The following RPS6KC1 variants were observed in gnomAD, a reference collection of about 807,000 sequenced individuals.
The protein encoded by RPS6KC1 is ribosomal protein S6 kinase C1, also known as inactive ribosomal protein S6 kinase delta-1.
A neutral mutation model predicts 103.8 loss-of-function variants in RPS6KC1; 54 were observed. That is an observed-to-expected ratio of 0.52 (90% CI 0.42 to 0.65). RPS6KC1 has a LOEUF of 0.65. Among genes scored for constraint, RPS6KC1 ranks in the 30% least tolerant of loss-of-function variants. The pLI is 0.00. For synonymous variants in RPS6KC1, 439 were observed against 438.7 expected (o/e 1.00, Z -0.01); for missense variants, 1,151 against 1,253.8 (o/e 0.92, Z 1.24).
At chr1:213,203,104 A>C (rs956713648) in intron 8 of RPS6KC1, among the ~76,000 whole-genome samples, 6 of 152,150 alleles carry the variant, frequency 3.9e-5, no homozygotes, top group Non-Finnish European at 7.4e-5. Flanking sequence ...AACTCCTACT[A>C]GTAGTACAGA....
At chr1:213,781,009 C>A in the RPS6KC1 span, among the ~76,000 whole-genome samples, 2 of 152,004 alleles carry the variant, frequency 1.3e-5, no homozygotes, top group Admixed American at 6.6e-5. Flanking sequence ...GGTAACAGAG[C>A]GAGATTCTGT....
the RPS6KC1 span, among the ~76,000 whole-genome samples, chr1:213,731,835 TTAAC>T: frequency 3.3e-5 from 5 of 152,312 alleles, no homozygotes; most frequent in African/African-American, 7.2e-5. Context: ...TAGCAACTGA[TTAAC>T]TAAATTATGA....
chr1:213,603,470 T>A, the RPS6KC1 span, among the ~76,000 whole-genome samples: 2 of 152,190 alleles, frequency 1.3e-5, no homozygotes, highest in Non-Finnish European at 2.9e-5. Flanking sequence ...GTCTTTTATT[T>A]TTTATCCTTC....
chr1:213,413,630 A>G, the RPS6KC1 span, among the ~76,000 whole-genome samples: 4 of 152,196 alleles, frequency 2.6e-5, no homozygotes, highest in African/African-American at 9.7e-5. Flanking sequence ...CTACTTGAGT[A>G]TCCTTATAAC....
the RPS6KC1 span, among the ~76,000 whole-genome samples, chr1:213,471,403 C>T: frequency 6.6e-6 from 1 of 152,032 alleles, no homozygotes; most frequent in Non-Finnish European, 1.5e-5. Context: ...TATTAATATG[C>T]TTATTTATTA....
chr1:213,737,315 G>T, the RPS6KC1 span, among the ~76,000 whole-genome samples: 3 of 152,166 alleles, frequency 2.0e-5, no homozygotes, highest in Non-Finnish European at 4.4e-5. Flanking sequence ...GTTGTTGTTT[G>T]TTTGTTTCCA....
the RPS6KC1 span, among the ~76,000 whole-genome samples, chr1:213,337,152 G>A: frequency 6.6e-6 from 1 of 152,100 alleles, no homozygotes; most frequent in African/African-American, 2.4e-5. Context: ...CAGACCATAG[G>A]CCTGGAAAAG....
chr1:213,525,994 G>C, the RPS6KC1 span, among the ~76,000 whole-genome samples: 1 of 152,108 alleles, frequency 6.6e-6, no homozygotes. Flanking sequence ...GGAGATGTGG[G>C]GTCCAGGGAG....
At chr1:213,583,472 A>G in the RPS6KC1 span, among the ~76,000 whole-genome samples, 13 of 152,140 alleles carry the variant, frequency 8.5e-5, no homozygotes, top group Non-Finnish European at 1.8e-4. Flanking sequence ...CATGGACACC[A>G]TATAGATTTG....
chr1:213,417,105 G>A, the RPS6KC1 span, among the ~76,000 whole-genome samples: 2 of 152,136 alleles, frequency 1.3e-5, no homozygotes, highest in Non-Finnish European at 2.9e-5. Flanking sequence ...TCCCTCCTCA[G>A]AGGGACCATC....
chr1:213,143,745 A>G (rs558535170), intron 6 of RPS6KC1, among the ~76,000 whole-genome samples: 4 of 151,740 alleles, frequency 2.6e-5, no homozygotes, highest in South Asian at 4.2e-4. Flanking sequence ...TTTCAAAACA[A>G]ATTTTTAATT....
the RPS6KC1 span, among the ~76,000 whole-genome samples, chr1:213,388,322 G>A: frequency 5.3e-5 from 8 of 152,312 alleles, no homozygotes; most frequent in Admixed American, 3.3e-4. Context: ...TCCCTGCTGC[G>A]GCCATGCTGG....
the RPS6KC1 span, among the ~76,000 whole-genome samples, chr1:213,624,101 A>G: frequency 2.6e-5 from 4 of 152,220 alleles, no homozygotes; most frequent in African/African-American, 9.6e-5. Context: ...GGGCAGAGCC[A>G]GAGCCTGGGT....
At chr1:213,266,782 A>G (rs2094920703) in intron 14 of RPS6KC1, among the ~76,000 whole-genome samples, 1 of 151,954 alleles carries the variant, frequency 6.6e-6, no homozygotes, top group Non-Finnish European at 1.5e-5. Flanking sequence ...GGGTGCCTGT[A>G]GTCCCAGGTA....
intron 1 of RPS6KC1, among the ~76,000 whole-genome samples, chr1:213,064,974 C>CTTT (rs34664044): frequency 2.7e-4 from 24 of 89,720 alleles, no homozygotes; most frequent in South Asian, 5.2e-4. Flanking sequence ...CGTGCCCGGC[C>CTTT]TTTTTTTTTT....
chr1:213,509,839 A>C, the RPS6KC1 span, among the ~76,000 whole-genome samples: 2 of 135,962 alleles, frequency 1.5e-5, no homozygotes, highest in Non-Finnish European at 3.3e-5. Context: ...TGATTCTTGC[A>C]GCCATTTTTA....
chr1:213,313,703 G>C, the RPS6KC1 span, among the ~76,000 whole-genome samples: 5 of 152,162 alleles, frequency 3.3e-5, no homozygotes, highest in Admixed American at 6.5e-5. Flanking sequence ...GGTGGCTCAC[G>C]CCTGTAATCC....
chr1:213,151,581 C>T (rs1436970748), intron 6 of RPS6KC1, among the ~76,000 whole-genome samples: 1 of 88,024 alleles, frequency 1.1e-5, no homozygotes, highest in African/African-American at 5.7e-5. Context: ...CCGGATGGGG[C>T]GGCTGGCCGG....
intron 6 of RPS6KC1, among the ~76,000 whole-genome samples, chr1:213,131,901 A>T (rs2085677643): frequency 6.6e-6 from 1 of 152,254 alleles, no homozygotes; most frequent in Non-Finnish European, 1.5e-5. Flanking sequence ...TTTTCAGAGA[A>T]TTATGTGCTA....
Sources: gnomAD v4.1 joint callset for allele counts (sites outside exome capture counted in the v4.1 genomes callset) on GRCh38, gnomAD v4.1.1 for gene constraint, MANE v1.5 for transcripts, NCBI Gene and HGNC (gene_info 2026-07-23, HGNC 2026-07-21) for gene names.